Variants in ABCD3 observed in about 807,000 individuals in gnomAD.
ABCD3 encodes ATP-binding cassette sub-family D member 3.
Under a neutral mutation model 105.5 loss-of-function variants are expected in ABCD3, and 41 were observed. The ratio of observed to expected loss-of-function variants is 0.39; its 90% CI spans 0.30 to 0.50. ABCD3 has a LOEUF of 0.50. Among genes scored for constraint, ABCD3 ranks in the 20% least tolerant of loss-of-function variants. The pLI is 0.84. For missense variants in ABCD3, 622 were observed against 806.3 expected (o/e 0.77, Z 2.77); for synonymous variants, 258 against 269.0 (o/e 0.96, Z 0.40).
In ABCD3 at chr1:94,496,694, GTTTTTTTTTTTT is replaced by G. The variant is rs71094302; in HGVS notation, c.1387-1890_1387-1879del. Among the ~76,000 whole-genome samples, 32 of 39,370 alleles carry G rather than the reference GTTTTTTTTTTTT, an allele frequency of 8.1e-4. No individual in the cohort carries two copies. In the East Asian group the frequency reaches 0.019, roughly 24 times the overall value. 25.8% of individuals were successfully genotyped at this position (39,370 alleles called of 152,430 possible). ...CTTCAGTAAAATCAGCCTTGTTTCT[GTTTTTTTTTTTT>G]TTTTTTTTTTTTTTTTTGAATAGGA... On this transcript the variant is annotated intron_variant, in intron 16 of 22. Transcript: ENST00000370214.
intron 6 of ABCD3, 44 bp from the exon 7 acceptor site, chr1:94,475,570 T>TA (rs1463387472): frequency 6.3e-7 from 1 of 1,581,890 alleles, no homozygotes; most frequent in East Asian, 2.2e-5. Context: ...GTTTTATCTT[T>TA]AAAGTCACTT....
intron 1 of ABCD3, among the ~76,000 whole-genome samples, chr1:94,444,472 T>G (rs1317809197): frequency 6.6e-6 from 1 of 152,164 alleles, no homozygotes; most frequent in African/African-American, 2.4e-5. Flanking sequence ...GCCATTTTTA[T>G]TTATTTTAAA....
chr1:94,396,277 G>C, the ABCD3 span, among the ~76,000 whole-genome samples: 2 of 152,144 alleles, frequency 1.3e-5, no homozygotes, highest in African/African-American at 4.8e-5. Context: ...CTATCTCATA[G>C]TGCTATTGTG....
intron 1 of ABCD3, among the ~76,000 whole-genome samples, chr1:94,457,678 A>G (rs1647646177): frequency 6.6e-6 from 1 of 152,114 alleles, no homozygotes; most frequent in Non-Finnish European, 1.5e-5. Flanking sequence ...AGGCGGAGGT[A>G]AAAAAGGCCT....
chr1:94,472,268 G>C (rs918621848), intron 4 of ABCD3: 1 of 954,458 alleles, frequency 1.0e-6, no homozygotes, highest in Admixed American at 6.2e-5. Flanking sequence ...ATGATGGCAT[G>C]TTCTTGTGTG....
rs553244641 is a variant in ABCD3, at chr1:94,515,428, T to C, written c.1902+226T>C. Among the ~76,000 whole-genome samples, 6 of 152,128 alleles carry C rather than the reference T, an allele frequency of 3.9e-5. No homozygotes were observed. The South Asian group carries it at 1.2e-3, about 32-fold the overall frequency. ...TCTCCAGTTTTATAAGTGACTCTTA[T>C]CTGTTAATAGTAACTGACTAAACTT... On this transcript the variant is annotated intron_variant, in intron 22 of 22. Transcript: ENST00000370214.
the ABCD3 span, among the ~76,000 whole-genome samples, chr1:94,404,374 T>C: frequency 6.6e-6 from 1 of 152,234 alleles, no homozygotes; most frequent in African/African-American, 2.4e-5. Context: ...TCAAATATTA[T>C]GTTCATAAGC....
chr1:94,455,482 C>T (rs940883032), intron 1 of ABCD3, among the ~76,000 whole-genome samples: 4 of 152,002 alleles, frequency 2.6e-5, no homozygotes, highest in Admixed American at 1.3e-4. Context: ...TGCACCATCA[C>T]GCCCGGCTAA....
chr1:94,435,986 T>A (rs1447650474), intron 1 of ABCD3, among the ~76,000 whole-genome samples: 1 of 152,230 alleles, frequency 6.6e-6, no homozygotes. Context: ...GCTTTAGTGA[T>A]CTTTGATAGC....
At chr1:94,436,738 T>C (rs1346252252) in intron 1 of ABCD3, among the ~76,000 whole-genome samples, 1 of 152,348 alleles carries the variant, frequency 6.6e-6, no homozygotes, top group South Asian at 2.1e-4. Context: ...TGATCTGTGA[T>C]TGGACATCTT....
chr1:94,472,175 G>C lies in ABCD3; in HGVS notation c.336-1591G>C, dbSNP rs574362108. The C allele has an allele frequency of 1.3e-5, 12 of 958,880 alleles. No individual in the cohort carries two copies. The African/African-American group carries it at 2.1e-4, about 17-fold the overall frequency. The allele number at this position is 958,880 out of a possible 1,614,324, so 59.4% of individuals were successfully genotyped here. The stretch of plus-strand genomic sequence containing the variant: ...TTTGTTAATTATTTTTTTTGCAGTG[G>C]AATAATAAGCAGAAATAAGGCTTTA... On this transcript the variant is annotated intron_variant, in intron 4 of 22. Coordinates refer to ENST00000370214, the MANE Select transcript of ABCD3 (RefSeq NM_002858.4).
intron 2 of ABCD3, among the ~76,000 whole-genome samples, chr1:94,462,174 A>G (rs980752335): frequency 6.6e-6 from 1 of 152,186 alleles, no homozygotes; most frequent in Admixed American, 6.6e-5. Context: ...TTAAACTTAT[A>G]TCACCACAGT....
intron 21 of ABCD3, among the ~76,000 whole-genome samples, chr1:94,510,766 A>G (rs1459830654): frequency 6.6e-6 from 1 of 151,748 alleles, no homozygotes; most frequent in Non-Finnish European, 1.5e-5. Context: ...GTCTCTTTTG[A>G]TCTTTGTTGG....
At chr1:94,404,566 T>C in the ABCD3 span, among the ~76,000 whole-genome samples, 1 of 152,218 alleles carries the variant, frequency 6.6e-6, no homozygotes, top group South Asian at 2.1e-4. Context: ...ATGTAGAATG[T>C]AATCATGCTT....
At chr1:94,444,580 C>G (rs1235340945) in intron 1 of ABCD3, among the ~76,000 whole-genome samples, 1 of 152,152 alleles carries the variant, frequency 6.6e-6, no homozygotes, top group Non-Finnish European at 1.5e-5. Context: ...TTGGAGCCTA[C>G]AGATTTTTTG....
chr1:94,388,941 A>C, the ABCD3 span, among the ~76,000 whole-genome samples: 1 of 152,066 alleles, frequency 6.6e-6, no homozygotes, highest in Non-Finnish European at 1.5e-5. Context: ...ATGCATCTTA[A>C]AATTGCCCAT....
chr1:94,456,033 T>C (rs757596502), intron 1 of ABCD3, among the ~76,000 whole-genome samples: 2 of 152,096 alleles, frequency 1.3e-5, no homozygotes, highest in African/African-American at 4.8e-5. Flanking sequence ...CCAGAACTTA[T>C]TCATCTTGCG....
chr1:94,465,655 T>C (rs1648100238), intron 3 of ABCD3, among the ~76,000 whole-genome samples: 1 of 152,208 alleles, frequency 6.6e-6, no homozygotes. Context: ...GGAGTATATT[T>C]GATTAAATAT....
At chr1:94,455,875 C>CT (rs1478216742) in intron 1 of ABCD3, 1 of 1,220,292 alleles carries the variant, frequency 8.2e-7, no homozygotes, top group Non-Finnish European at 1.0e-6. Flanking sequence ...CCATTTATCT[C>CT]TAAGTATCAA....
Sources: allele counts gnomAD v4.1 joint callset (sites outside exome capture counted in the v4.1 genomes callset), GRCh38; gene constraint gnomAD v4.1.1; transcripts MANE v1.5; gene names NCBI Gene and HGNC (gene_info 2026-07-23, HGNC 2026-07-21).